YARS1: variants seen among roughly 807,000 people sequenced by gnomAD.
The protein encoded by YARS1 is tyrosyl-tRNA synthetase 1, also known as tyrosine--tRNA ligase, cytoplasmic.
YARS1 carries 36 observed loss-of-function variants against 62.2 expected under a neutral mutation model. That is an observed-to-expected ratio of 0.58 (90% CI 0.44 to 0.76). The LOEUF is 0.76. Among genes scored for constraint, YARS1 ranks in the 30% least tolerant of loss-of-function variants. The pLI is 0.00. For missense variants in YARS1, 524 were observed against 639.8 expected (o/e 0.82, Z 1.95); for synonymous variants, 234 against 244.9 (o/e 0.96, Z 0.42).
At chr1:32,816,442 G>C (rs1394988651) in intron 1 of YARS1, among the ~76,000 whole-genome samples, 1 of 152,170 alleles carries the variant, frequency 6.6e-6, no homozygotes, top group African/African-American at 2.4e-5. Flanking sequence ...GTGCCAGAGG[G>C]TTTGTTATTT....
chr1:32,796,343 A>C (rs1373667027), intron 5 of YARS1, among the ~76,000 whole-genome samples: 2 of 150,310 alleles, frequency 1.3e-5, no homozygotes, highest in Non-Finnish European at 3.0e-5. Flanking sequence ...AGAAATAATC[A>C]AAAAATGTAT....
In YARS1 at chr1:32,791,270, A is replaced by C; in HGVS notation, c.592-16T>G. The C allele has an allele frequency of 6.2e-7, 1 of 1,607,132 alleles. No homozygotes were observed. The highest frequency in any genetic ancestry group is 8.5e-7 in the Non-Finnish European group (1 of 1,173,634). On this transcript the variant is annotated splice_polypyrimidine_tract_variant and intron_variant, in intron 5 of 12. Coordinates refer to ENST00000373477, the MANE Select transcript of YARS1 (RefSeq NM_003680.4). ...CAGGGAGGTACTGAGAGATTAGAGA[A>C]ACACACAAAAGCCGATATTAGTCTA...
chr1:32,810,338 G>A (rs1443885145), intron 3 of YARS1, among the ~76,000 whole-genome samples: 1 of 152,186 alleles, frequency 6.6e-6, no homozygotes, highest in African/African-American at 2.4e-5. Context: ...AGTTCTGCAA[G>A]GCCAAGGACT....
intron 4 of YARS1, among the ~76,000 whole-genome samples, chr1:32,798,559 G>A (rs1297002878): frequency 1.3e-5 from 2 of 152,196 alleles, no homozygotes; most frequent in Admixed American, 6.5e-5. Context: ...GTGACTGTCT[G>A]GGTGCGATGG....
rs41265857 is a variant in YARS1, at chr1:32,775,843, C to T, written c.*138G>A. ...CTGGGGAGGGTAAGCTGCCCCTTGC[C>T]GAGTTCTGCACCGAATAAAGAGTCC... is the stretch of plus-strand genomic sequence containing the variant. On this transcript the variant is annotated 3_prime_UTR_variant, in exon 13 of 13. Coordinates refer to ENST00000373477, the MANE Select transcript of YARS1 (RefSeq NM_003680.4). 1,470 of 808,886 alleles carry T rather than the reference C, an allele frequency of 1.8e-3. 3 individuals carry two copies. The highest frequency in any genetic ancestry group is 8.2e-3 in the Middle Eastern group (23 of 2,820). 50.1% of individuals were successfully genotyped at this position (808,886 alleles called of 1,614,324 possible).
chr1:32,805,264 GGAGAGGGA>G (rs777807658), intron 4 of YARS1, among the ~76,000 whole-genome samples: 1,022 of 42,222 alleles, frequency 0.024, 117 homozygotes, highest in African/African-American at 0.079. Context: ...GGGGAGAGGG[GGAGAGGGA>G]GAGAGGGAGA....
intron 4 of YARS1, among the ~76,000 whole-genome samples, chr1:32,805,963 A>AAAAT (rs993541347): frequency 3.3e-5 from 5 of 152,286 alleles, no homozygotes; most frequent in African/African-American, 9.6e-5. Flanking sequence ...TTCCGTCTCA[A>AAAAT]AAATAAATAA....
intron 7 of YARS1, 155 bp downstream of exon 7, chr1:32,786,785 C>T (rs1653241915): frequency 9.4e-7 from 1 of 1,063,224 alleles, no homozygotes; most frequent in Non-Finnish European, 1.3e-6. Flanking sequence ...AAATTACATC[C>T]CAACATCATT....
intron 4 of YARS1, among the ~76,000 whole-genome samples, chr1:32,800,868 C>T (rs562340174): frequency 7.2e-5 from 11 of 152,200 alleles, no homozygotes; most frequent in African/African-American, 9.6e-5. Context: ...CCACTGCACC[C>T]GCCTGGTTTG....
chr1:32,807,568 C>A (rs1467361921), intron 3 of YARS1, among the ~76,000 whole-genome samples: 1 of 152,002 alleles, frequency 6.6e-6, no homozygotes, highest in Non-Finnish European at 1.5e-5. Flanking sequence ...GGTGATCCTC[C>A]CACCTCAACC....
chr1:32,814,052 G>A (rs547119862), intron 1 of YARS1, among the ~76,000 whole-genome samples: 1 of 152,154 alleles, frequency 6.6e-6, no homozygotes, highest in African/African-American at 2.4e-5. Context: ...ACTACTATGA[G>A]CCAGTAACTC....
Position 32,780,229 on chromosome 1 carries a change from G to A in YARS1, c.1190C>T (p.Ala397Val). 2.5e-6 allele frequency: 4 copies of A among 1,614,166 alleles called. No individual in the cohort carries two copies. The highest frequency in any genetic ancestry group is 3.4e-6 in the Non-Finnish European group (4 of 1,180,046). ...GCCGCTCACCACAGTCCGTGGTTCAGCTTCCCCCACGTCAATCTTCTCTAC... is the reference window on the plus strand; with the variant it reads ...GCCGCTCACCACAGTCCGTGGTTCAACTTCCCCCACGTCAATCTTCTCTAC... ...LYVEKIDVGEAEPRTVVSGLV... is the reference protein window; with the variant it reads ...LYVEKIDVGEVEPRTVVSGLV... Residue 397 changes from alanine to valine, a missense_variant, in exon 11 of 13, where the codon GCT (alanine) becomes GTT (valine). Coordinates refer to ENST00000373477, the MANE Select transcript of YARS1 (RefSeq NM_003680.4).
rs950072585 is a variant in YARS1 at position 32,779,737 on chromosome 1, C to G, written c.1335-214G>C. 2.3e-5 allele frequency: 15 copies of G among 648,850 alleles called. No individual in the cohort carries two copies. In the African/African-American group the frequency reaches 2.6e-4, roughly 11 times the overall value. 40.2% of individuals were successfully genotyped at this position (648,850 alleles called of 1,614,324 possible). On this transcript the variant is annotated intron_variant, in intron 11 of 12. Coordinates refer to ENST00000373477, the MANE Select transcript of YARS1 (RefSeq NM_003680.4). ...TATACCAAAATTGTGTGTCAAGATA[C>G]CAAAATCTGTGTTTCTAGGGGAGGA...
At chr1:32,815,061 T>C (rs1341487355) in intron 1 of YARS1, among the ~76,000 whole-genome samples, 1 of 152,192 alleles carries the variant, frequency 6.6e-6, no homozygotes, top group African/African-American at 2.4e-5. Flanking sequence ...CTTTAAAACC[T>C]GAGTGAGGCC....
At chr1:32,815,682 G>T (rs1173930367) in intron 1 of YARS1, among the ~76,000 whole-genome samples, 3 of 152,228 alleles carry the variant, frequency 2.0e-5, no homozygotes, top group Non-Finnish European at 2.9e-5. Flanking sequence ...CAAACATATT[G>T]TATGATTCTA....
Position 32,810,974 on chromosome 1 carries a change from T to G in YARS1, c.141A>C (p.Lys47Asn), listed in dbSNP as rs180736984. 2 of 1,614,162 alleles carry G rather than the reference T, an allele frequency of 1.2e-6. No homozygotes were observed. The highest frequency in any genetic ancestry group is 2.2e-5 in the East Asian group (1 of 44,880). ...KIYWGTATTG[K>N]PHVAYFVPMS... The stretch of plus-strand genomic sequence containing the variant: ...TGGGCACAAAGTAAGCCACATGTGG[T>G]TTGCCCGTGGTTGCCGTTCCCCAGT... The change falls in exon 2 of 13, where the codon AAA (lysine) becomes AAC (asparagine). Residue 47 changes from lysine to asparagine, a missense_variant. By Grantham distance (94) the Lys-to-Asn change is moderately conservative. Transcript: ENST00000373477.
intron 5 of YARS1, among the ~76,000 whole-genome samples, chr1:32,796,085 G>A (rs1002711939): frequency 1.3e-5 from 2 of 151,844 alleles, no homozygotes; most frequent in African/African-American, 4.8e-5. Context: ...ATGAGGTCAG[G>A]AGTTCGAGAT....
intron 3 of YARS1, among the ~76,000 whole-genome samples, chr1:32,809,881 G>A (rs370329476): frequency 2.6e-5 from 4 of 152,114 alleles, no homozygotes; most frequent in African/African-American, 9.7e-5. Context: ...CGAGGTGGGC[G>A]GATCACCTGA....
rs1362650835 is a variant in YARS1 at position 32,810,779 on chromosome 1, T to C, written c.205-13A>G. 1 of 1,614,180 alleles carries C rather than the reference T, an allele frequency of 6.2e-7. No individual in the cohort carries two copies. Among genetic ancestry groups the C allele is most frequent in the Non-Finnish European group, 8.5e-7 (1 of 1,180,036 alleles). On this transcript the variant is annotated splice_polypyrimidine_tract_variant and intron_variant, in intron 2 of 12. Transcript: ENST00000373477. ...ACAGAATTGTTACCTGGACAAGAGATAAGGGGCCACCAAAATGTGAATTTG... is the reference window on the plus strand; with the variant it reads ...ACAGAATTGTTACCTGGACAAGAGACAAGGGGCCACCAAAATGTGAATTTG...
Sources: gnomAD v4.1 joint callset for allele counts (sites outside exome capture counted in the v4.1 genomes callset) on GRCh38, gnomAD v4.1.1 for gene constraint, MANE v1.5 for transcripts, NCBI Gene and HGNC (gene_info 2026-07-23, HGNC 2026-07-21) for gene names.